The following TMEM207 variants were observed in gnomAD, a reference collection of about 807,000 sequenced individuals.
TMEM207 encodes the protein SRSR846.
TMEM207 carries 15 observed loss-of-function variants against 17.4 expected under a neutral mutation model. The ratio of observed to expected loss-of-function variants is 0.86; its 90% CI spans 0.58 to 1.33. TMEM207 has a LOEUF of 1.33. Ranked by LOEUF, TMEM207 falls within the 40% of genes most tolerant of loss-of-function variation. TMEM207 has a pLI of 0.00. For missense variants in TMEM207, 205 were observed against 173.8 expected, an observed-to-expected ratio of 1.18 and a Z score of -1.01; for synonymous variants, 70 against 65.6, an observed-to-expected ratio of 1.07 and a Z score of -0.33.
At chr3:190,442,076 C>A (rs1027841883) in intron 2 of TMEM207, among the ~76,000 whole-genome samples, 1 of 152,150 alleles carries the variant, frequency 6.6e-6, no homozygotes, top group Non-Finnish European at 1.5e-5. Context: ...CTGTGTGTGT[C>A]TAGCCACAAT....
intron 4 of TMEM207, among the ~76,000 whole-genome samples, chr3:190,436,204 A>C (rs1719800670): frequency 6.6e-6 from 1 of 152,240 alleles, no homozygotes; most frequent in South Asian, 2.1e-4. Flanking sequence ...AAATTTAAAA[A>C]ATTAAGTTTT....
chr3:190,433,450 T>C (rs577499151), intron 4 of TMEM207, among the ~76,000 whole-genome samples: 8 of 152,134 alleles, frequency 5.3e-5, no homozygotes, highest in Non-Finnish European at 1.0e-4. Context: ...AAAATCCTTA[T>C]CTTTTTTTAA....
chr3:190,433,966 C>T (rs1315143032), intron 4 of TMEM207, among the ~76,000 whole-genome samples: 8 of 152,158 alleles, frequency 5.3e-5, no homozygotes, highest in Non-Finnish European at 1.2e-4. Flanking sequence ...GAAGTGCTTG[C>T]TCCCTCTTTG....
chr3:190,435,678 G>T (rs189886348), intron 4 of TMEM207, among the ~76,000 whole-genome samples: 3 of 152,138 alleles, frequency 2.0e-5, no homozygotes, highest in Admixed American at 6.5e-5. Context: ...CACACTTCAG[G>T]GGTATAGATC....
At chr3:190,440,626 G>C (rs553939632) in intron 3 of TMEM207, among the ~76,000 whole-genome samples, 1 of 152,168 alleles carries the variant, frequency 6.6e-6, no homozygotes, top group African/African-American at 2.4e-5. Context: ...TTTCTCCTTA[G>C]AAATTGGAGG....
In TMEM207 at chr3:190,428,712, ATATGT is replaced by A. The variant is rs1218639039; in HGVS notation, c.*878_*882del. The A allele has an allele frequency of 6.6e-6, 1 of 152,182 alleles. No homozygotes were observed. Among genetic ancestry groups the A allele is most frequent in the Admixed American group, 6.5e-5 (1 of 15,274 alleles). The allele number at this position is 152,182 out of a possible 1,614,324, so 9.4% of individuals were successfully genotyped here. A position where few individuals can be genotyped will look rare whatever the true frequency, so the allele number is the denominator to read the frequency against. ...TCAACAAATTTGTCAGCTGAAGATC[ATATGT>A]CATCTGTGATGGATGTTTTTGTCTG... On this transcript the variant is annotated 3_prime_UTR_variant, in exon 5 of 5. Coordinates refer to ENST00000354905, the MANE Select transcript of TMEM207 (RefSeq NM_207316.3).
In TMEM207 at chr3:190,429,663, C is replaced by A; in HGVS notation, c.373G>T (p.Val125Phe). The change falls in exon 5 of 5, where the codon GTT becomes TTT. Residue 125 changes from valine (V) to phenylalanine (F), a missense_variant. Coordinates refer to ENST00000354905, the MANE Select transcript of TMEM207 (RefSeq NM_207316.3). Reference protein sequence around the residue: ...LQTQTPDLYPVPAPCFGPLGS... With the variant: ...LQTQTPDLYPFPAPCFGPLGS... ...AAAGGGCCAAAACATGGAGCAGGAA[C>A]AGGATATAGGTCAGGGGTTTGAGTT... 6.2e-7 allele frequency: 1 copy of A among 1,613,538 alleles called. No homozygotes were observed. The highest frequency in any genetic ancestry group is 2.2e-5 in the East Asian group (1 of 44,866).
At chr3:190,430,178 C>T (rs866892151) in intron 4 of TMEM207, among the ~76,000 whole-genome samples, 1 of 151,984 alleles carries the variant, frequency 6.6e-6, no homozygotes, top group African/African-American at 2.4e-5. Flanking sequence ...AATTATTTCT[C>T]TTTAGTAAAC....
At chr3:190,447,573 C>T (rs1720077117) in intron 2 of TMEM207, among the ~76,000 whole-genome samples, 1 of 151,942 alleles carries the variant, frequency 6.6e-6, no homozygotes, top group Admixed American at 6.6e-5. Flanking sequence ...AACTAGGCCT[C>T]TTATTTATTT....
chr3:190,435,333 G>A (rs966974489), intron 4 of TMEM207, among the ~76,000 whole-genome samples: 1 of 152,128 alleles, frequency 6.6e-6, no homozygotes, highest in African/African-American at 2.4e-5. Flanking sequence ...CTGTCTGTGT[G>A]CTAATATCTT....
In TMEM207 at chr3:190,429,298, A is replaced by G. The variant is rs779167476; in HGVS notation, c.*297T>C. On this transcript the variant is annotated 3_prime_UTR_variant, in exon 5 of 5. Coordinates refer to ENST00000354905, the MANE Select transcript of TMEM207 (RefSeq NM_207316.3). The stretch of plus-strand genomic sequence containing the variant: ...CAGTGGAGTCCTAAATGTGATGGAA[A>G]CTACTTCCAGCACCTAATTGTTGCC... The G allele has an allele frequency of 1.6e-5, 5 of 317,886 alleles. No homozygotes were observed. The highest frequency in any genetic ancestry group is 2.4e-5 in the Non-Finnish European group (4 of 169,298). 19.7% of individuals were successfully genotyped at this position (317,886 alleles called of 1,614,324 possible).
At chr3:190,440,123 G>A (rs1451344549) in intron 4 of TMEM207, 121 bp downstream of exon 4, 11 of 1,197,784 alleles carry the variant, frequency 9.2e-6, no homozygotes, top group East Asian at 2.5e-5. Context: ...AGGCCTTGGT[G>A]TCTCCAATAA....
At position 190,440,363 on chromosome 3, in the gene TMEM207, G is replaced by A; in HGVS notation, c.185C>T (p.Ala62Val). The change falls in exon 4 of 5, where the codon GCA becomes GTA. Residue 62 changes from alanine (A) to valine (V), a missense_variant. Ala to Val is a moderately conservative substitution (Grantham distance 64). Coordinates refer to ENST00000354905, the MANE Select transcript of TMEM207 (RefSeq NM_207316.3). ...GACCACAGCTCCACAGAGAAGAGCT[G>A]CCACCAAAACCAGCAGCAGGAGGAT... Reference protein sequence around the residue: ...IWILLLLVLVAALLCGAVVLC... With the variant: ...IWILLLLVLVVALLCGAVVLC... The A allele has an allele frequency of 1.2e-6, 2 of 1,612,342 alleles. No homozygotes were observed. The highest frequency in any genetic ancestry group is 1.7e-6 in the Non-Finnish European group (2 of 1,179,552).
At chr3:190,446,075 G>A (rs1015923599) in intron 2 of TMEM207, among the ~76,000 whole-genome samples, 1 of 152,072 alleles carries the variant, frequency 6.6e-6, no homozygotes, top group African/African-American at 2.4e-5. Flanking sequence ...CTGTCCTTTT[G>A]TGTTTCTCAT....
chr3:190,429,276 T>C lies in TMEM207; in HGVS notation c.*319A>G, dbSNP rs547814047. 1.8e-5 allele frequency: 5 copies of C among 274,350 alleles called. No individual in the cohort carries two copies. The East Asian group carries it at 4.1e-4, about 22-fold the overall frequency. 17.0% of individuals were successfully genotyped at this position (274,350 alleles called of 1,614,324 possible). ...GAAAATGGTGTGCTGTATACTGCAG[T>C]GGAGTCCTAAATGTGATGGAAACTA... On this transcript the variant is annotated 3_prime_UTR_variant, in exon 5 of 5. Coordinates refer to ENST00000354905, the MANE Select transcript of TMEM207 (RefSeq NM_207316.3).
intron 2 of TMEM207, among the ~76,000 whole-genome samples, chr3:190,443,647 A>G (rs944268347): frequency 8.5e-5 from 13 of 152,140 alleles, no homozygotes; most frequent in African/African-American, 3.1e-4. Context: ...TTGGCTCCAT[A>G]TGCTCCCCTC....
At position 190,435,210 on chromosome 3, in the gene TMEM207, G is replaced by A. The variant is rs941688919; in HGVS notation, c.304+5034C>T. On this transcript the variant is annotated intron_variant, in intron 4 of 4. Coordinates refer to ENST00000354905, the MANE Select transcript of TMEM207 (RefSeq NM_207316.3). ...CATTTTCTCACGATTGTGGAGTCTA[G>A]ACATCCACGACCAAGGTTTCGGCAG... is the stretch of plus-strand genomic sequence containing the variant. Among the ~76,000 whole-genome samples, 6 of 152,278 alleles carry A rather than the reference G, an allele frequency of 3.9e-5. No individual in the cohort carries two copies. In the South Asian group the frequency reaches 8.3e-4, roughly 21 times the overall value.
intron 4 of TMEM207, among the ~76,000 whole-genome samples, chr3:190,433,988 G>A (rs2108532418): frequency 6.6e-6 from 1 of 152,186 alleles, no homozygotes; most frequent in African/African-American, 2.4e-5. Context: ...CTTCTGCCAT[G>A]ATTTAAGTTC....
At chr3:190,436,472 G>T (rs1719805007) in intron 4 of TMEM207, among the ~76,000 whole-genome samples, 1 of 152,136 alleles carries the variant, frequency 6.6e-6, no homozygotes, top group Admixed American at 6.5e-5. Flanking sequence ...CCATAACCTT[G>T]GTGTGGGCGT....
Sources: gnomAD v4.1 joint callset for allele counts (sites outside exome capture counted in the v4.1 genomes callset) on GRCh38, gnomAD v4.1.1 for gene constraint, MANE v1.5 for transcripts, NCBI Gene and HGNC (gene_info 2026-07-23, HGNC 2026-07-21) for gene names.